CROT: variants seen among roughly 807,000 people sequenced by gnomAD.
CROT encodes peroxisomal carnitine O-octanoyltransferase.
In CROT, 84 loss-of-function variants were observed where a neutral mutation model predicts 89.2. That is an observed-to-expected ratio of 0.94 (90% confidence interval 0.79 to 1.13). CROT has a LOEUF of 1.13. CROT is among the 50% of genes most tolerant of loss of function. The pLI is 0.00. For synonymous variants in CROT, 212 were observed against 239.5 expected, an observed-to-expected ratio of 0.89 and a Z score of 1.06; for missense variants, 711 against 727.8, an observed-to-expected ratio of 0.98 and a Z score of 0.27.
chr7:87,384,668 C>G (rs1807134958), intron 13 of CROT, among the ~76,000 whole-genome samples: 1 of 152,144 alleles, frequency 6.6e-6, no homozygotes, highest in Non-Finnish European at 1.5e-5. Flanking sequence ...TTCTCCCATT[C>G]TGTGGGCTGC....
At chr7:87,374,668 C>T (rs1411544914) in intron 7 of CROT, among the ~76,000 whole-genome samples, 1 of 151,928 alleles carries the variant, frequency 6.6e-6, no homozygotes. Flanking sequence ...CCTCAGGACA[C>T]CATTAATTTG....
chr7:87,345,867 G>A (rs938880260), intron 1 of CROT, 100 bp downstream of exon 1: 11 of 159,536 alleles, frequency 6.9e-5, no homozygotes, highest in Admixed American at 6.5e-5. Context: ...GATTTGGTGG[G>A]GGAGTAGTGT....
chr7:87,351,153 A>T (rs544830180), intron 3 of CROT, among the ~76,000 whole-genome samples: 2 of 151,654 alleles, frequency 1.3e-5, no homozygotes, highest in African/African-American at 4.8e-5. Flanking sequence ...CTAAAAATGC[A>T]AAAAAATTAG....
rs561713018 is a variant in CROT at position 87,397,735 on chromosome 7, C to A, written c.1719-789C>A. ...ATTGGTTTCATCATTATATACTGGG[C>A]TAGAGCATGTTCTTATTTTTATTTC... On this transcript the variant is annotated intron_variant, in intron 17 of 17. Transcript: ENST00000331536. 1.3e-4 allele frequency among the ~76,000 whole-genome samples: 20 copies of A among 152,294 alleles called. No individual in the cohort carries two copies. In the South Asian group the frequency reaches 3.9e-3, roughly 30 times the overall value.
intron 10 of CROT, among the ~76,000 whole-genome samples, chr7:87,378,180 C>CA (rs887957889): frequency 5.0e-4 from 76 of 151,892 alleles, no homozygotes; most frequent in African/African-American, 1.8e-3. Context: ...CCCGTCTCTA[C>CA]AAAAAATACA....
intron 13 of CROT, among the ~76,000 whole-genome samples, chr7:87,387,167 GTACTAGA>G (rs1216406869): frequency 6.6e-6 from 1 of 151,754 alleles, no homozygotes; most frequent in Non-Finnish European, 1.5e-5. Flanking sequence ...AGGATAATTG[GTACTAGA>G]TAGTTGTTTT....
At chr7:87,385,575 C>T (rs1307514821) in intron 13 of CROT, among the ~76,000 whole-genome samples, 2 of 152,080 alleles carry the variant, frequency 1.3e-5, no homozygotes, top group Non-Finnish European at 2.9e-5. Flanking sequence ...GTTTATCACT[C>T]TAATGGCTGT....
chr7:87,377,912 C>T (rs1806862346), intron 10 of CROT, among the ~76,000 whole-genome samples: 1 of 152,116 alleles, frequency 6.6e-6, no homozygotes, highest in Non-Finnish European at 1.5e-5. Context: ...GCAGTTACTA[C>T]CATTTTGACC....
At position 87,375,644 on chromosome 7, in the gene CROT, T is replaced by C; in HGVS notation, c.669T>C (p.Tyr223=). Residue 223 remains tyrosine, a synonymous_variant, in exon 8 of 18, where the codon TAT becomes TAC. Transcript: ENST00000331536. The part of the protein sequence containing the change: ...TPPELLRQLT[Y]IHKKCHSEPD... ...CATCTTCCATAAGACAACTGACATATATCCACAAGAAGTGCCATAGTGAAC... is the reference window on the plus strand; with the variant it reads ...CATCTTCCATAAGACAACTGACATACATCCACAAGAAGTGCCATAGTGAAC... The C allele has an allele frequency of 6.2e-7, 1 of 1,612,636 alleles. No individual in the cohort carries two copies. The highest frequency in any genetic ancestry group is 8.5e-7 in the Non-Finnish European group (1 of 1,178,796).
At chr7:87,354,361 C>T (rs1428547471) in intron 3 of CROT, 1 of 517,984 alleles carries the variant, frequency 1.9e-6, no homozygotes, top group South Asian at 1.4e-5. Context: ...ATTTAGATAA[C>T]CTGGACATCA....
intron 2 of CROT, among the ~76,000 whole-genome samples, chr7:87,346,738 T>G (rs574840234): frequency 5.9e-5 from 9 of 152,232 alleles, no homozygotes; most frequent in Non-Finnish European, 1.2e-4. Flanking sequence ...GTAAACAGAA[T>G]AGCTTATCTT....
chr7:87,365,348 G>T (rs1158893748), intron 6 of CROT, among the ~76,000 whole-genome samples: 1 of 152,088 alleles, frequency 6.6e-6, no homozygotes, highest in Admixed American at 6.5e-5. Flanking sequence ...AATTTAGCTG[G>T]GCACAGTGGC....
At chr7:87,358,404 C>T (rs1239736882) in intron 3 of CROT, among the ~76,000 whole-genome samples, 1 of 149,076 alleles carries the variant, frequency 6.7e-6, no homozygotes, top group African/African-American at 2.5e-5. Context: ...ATGGTGTGAA[C>T]CCAGGAGGCG....
chr7:87,393,147 C>A, intron 17 of CROT, 80 bp downstream of exon 17: 1 of 1,429,314 alleles, frequency 7.0e-7, no homozygotes, highest in Non-Finnish European at 9.5e-7. Context: ...CTTTCCTACA[C>A]TGTGATTCTT....
intron 7 of CROT, among the ~76,000 whole-genome samples, chr7:87,374,431 C>T (rs954830841): frequency 1.3e-5 from 2 of 151,990 alleles, no homozygotes; most frequent in Admixed American, 6.6e-5. Context: ...AGTCAAAACT[C>T]GTGCTTTGAG....
chr7:87,354,537 C>G (rs1805997214), intron 3 of CROT: 2 of 373,998 alleles, frequency 5.3e-6, no homozygotes, highest in Admixed American at 5.1e-5. Context: ...TCAAGTTATA[C>G]TAGAGGTAAA....
At chr7:87,364,397 AG>A (rs1441186427) in intron 6 of CROT, among the ~76,000 whole-genome samples, 6 of 152,296 alleles carry the variant, frequency 3.9e-5, no homozygotes, top group South Asian at 4.1e-4. Context: ...GGCCAAGAGA[AG>A]GAAGTGTTTA....
chr7:87,369,434 CT>C lies in CROT; in HGVS notation c.609del (p.Phe203LeufsTer3), dbSNP rs1212305767. The C allele has an allele frequency of 5.6e-6, 9 of 1,613,228 alleles. No homozygotes were observed. The highest frequency in any genetic ancestry group is 1.7e-5 in the Admixed American group (1 of 59,882). ...TGCTGTGTCGAGGCCGAGCTTTTGT[CT>C]TTGATGTAATACATGAAGGATGTTT... ...VVLCRGRAFV[F>X]DVIHEGCLVT... On this transcript the variant is annotated frameshift_variant, in exon 7 of 18. Transcript: ENST00000331536. LOFTEE classifies it high-confidence loss of function.
intron 6 of CROT, among the ~76,000 whole-genome samples, chr7:87,367,562 C>G (rs888381182): frequency 1.3e-5 from 2 of 152,316 alleles, no homozygotes; most frequent in African/African-American, 4.8e-5. Context: ...TGCCCATTCT[C>G]TACCCCCTTG....
Sources: gnomAD v4.1 joint callset for allele counts (sites outside exome capture counted in the v4.1 genomes callset) on GRCh38, gnomAD v4.1.1 for gene constraint, MANE v1.5 for transcripts, NCBI Gene and HGNC (gene_info 2026-07-23, HGNC 2026-07-21) for gene names.